Variants in CFAP54 observed in about 807,000 individuals in gnomAD.
CFAP54 encodes cilia and flagella associated protein 54.
A neutral mutation model predicts 370.4 loss-of-function variants in CFAP54; 290 were observed. The observed-to-expected ratio is 0.78, with a 90% CI of 0.71 to 0.86. CFAP54 has a LOEUF of 0.86. Among genes scored for constraint, CFAP54 ranks in the 40% least tolerant of loss-of-function variants. The pLI, the probability that CFAP54 is intolerant of heterozygous loss-of-function variation, is 0.00. For missense variants in CFAP54, 3,399 were observed against 3,528.7 expected, an observed-to-expected ratio of 0.96 and a Z score of 0.93; for synonymous variants, 1,206 against 1,236.5, an observed-to-expected ratio of 0.98 and a Z score of 0.52.
intron 6 of CFAP54, among the ~76,000 whole-genome samples, chr12:96,520,572 G>A (rs1025429457): frequency 3.4e-5 from 5 of 145,112 alleles, no homozygotes; most frequent in Non-Finnish European, 7.8e-5. Context: ...CTATTGGCCT[G>A]TAGAGTGCCC....
chr12:96,686,939 A>G lies in CFAP54; in HGVS notation c.6014+1701A>G, dbSNP rs75397620. ...CAGGTTTATTATTTTACAGTTATAG[A>G]GTTCAGAAATCATAAAATAAGTGTG... On this transcript the variant is annotated intron_variant, in intron 42 of 67. Transcript: ENST00000524981. Among the ~76,000 whole-genome samples, 1,460 of 152,306 alleles carry G rather than the reference A, an allele frequency of 9.6e-3. 53 individuals are homozygous for G. The East Asian group carries it at 0.1, about 11-fold the overall frequency.
At position 96,792,510 on chromosome 12, in the gene CFAP54, T is replaced by A. The variant is rs898408623; in HGVS notation, c.8850+11T>A. 111 of 1,515,192 alleles carry A rather than the reference T, an allele frequency of 7.3e-5. No individual in the cohort carries two copies. The highest frequency in any genetic ancestry group is 8.5e-5 in the Non-Finnish European group (96 of 1,135,030). 93.9% of individuals were successfully genotyped at this position (1,515,192 alleles called of 1,614,324 possible). On this transcript the variant is annotated intron_variant, in intron 63 of 67. Transcript: ENST00000524981. ...GAGACAGAACCTATGGTATGTAATG[T>A]ACTTATAGAACTCAATATTTCATTT...
intron 26 of CFAP54, among the ~76,000 whole-genome samples, chr12:96,612,225 G>A (rs1358463919): frequency 6.6e-6 from 1 of 152,182 alleles, no homozygotes; most frequent in Non-Finnish European, 1.5e-5. Flanking sequence ...GAGAGTGGGG[G>A]CCAATATTCA....
At chr12:96,727,572 C>G (rs1207490579) in intron 50 of CFAP54, among the ~76,000 whole-genome samples, 1 of 148,022 alleles carries the variant, frequency 6.8e-6, no homozygotes, top group South Asian at 2.2e-4. Flanking sequence ...ATGTGTGTCT[C>G]TGCACATGAG....
intron 1 of CFAP54, 33 bp downstream of exon 1, chr12:96,489,959 G>C (rs746309463): frequency 8.0e-6 from 12 of 1,503,046 alleles, no homozygotes; most frequent in Admixed American, 2.2e-5. Context: ...GGAGGGCGCC[G>C]GCCAGAGGAG....
intron 53 of CFAP54, 31 bp downstream of exon 53, chr12:96,743,590 T>A: frequency 6.2e-7 from 1 of 1,612,936 alleles, no homozygotes; most frequent in Non-Finnish European, 8.5e-7. Context: ...GTATTTATAG[T>A]CAGGGAGGGA....
intron 36 of CFAP54, among the ~76,000 whole-genome samples, chr12:96,657,087 C>T (rs957887859): frequency 2.6e-5 from 4 of 152,102 alleles, no homozygotes. Context: ...TACTTCACAC[C>T]CATGTATATA....
chr12:96,699,711 G>A (rs1677125105), intron 45 of CFAP54, among the ~76,000 whole-genome samples: 1 of 152,084 alleles, frequency 6.6e-6, no homozygotes, highest in Non-Finnish European at 1.5e-5. Context: ...GATGAAGTAA[G>A]CAGCGTCTGA....
chr12:96,535,052 GTT>G (rs745437045), intron 11 of CFAP54, among the ~76,000 whole-genome samples: 14 of 128,920 alleles, frequency 1.1e-4, no homozygotes, highest in African/African-American at 3.4e-4. Flanking sequence ...GTGTGTGTGT[GTT>G]TATTTATTTA....
rs1955395654 is a variant in CFAP54, at chr12:96,527,454, A to G, written c.1357+10A>G. On this transcript the variant is annotated intron_variant, in intron 9 of 67. Transcript: ENST00000524981. ...AAAGAACTTTTGATAAGTAAATAAG[A>G]TGTTAAGATATTGTTTTATGATAGA... 1 of 1,491,380 alleles carries G rather than the reference A, an allele frequency of 6.7e-7. No individual in the cohort carries two copies. The highest frequency in any genetic ancestry group is 8.9e-7 in the Non-Finnish European group (1 of 1,119,934). 92.4% of individuals were successfully genotyped at this position (1,491,380 alleles called of 1,614,324 possible).
intron 27 of CFAP54, among the ~76,000 whole-genome samples, chr12:96,622,630 G>A (rs1956511639): frequency 1.3e-5 from 2 of 152,284 alleles, no homozygotes; most frequent in East Asian, 1.9e-4. Flanking sequence ...GATTACAGGT[G>A]TGAGCCACAG....
At position 96,626,951 on chromosome 12, in the gene CFAP54, T is replaced by G. The variant is rs1207231381; in HGVS notation, c.4103+12T>G. 1.9e-5 allele frequency: 25 copies of G among 1,337,446 alleles called. No individual in the cohort carries two copies. Among genetic ancestry groups the G allele is most frequent in the Non-Finnish European group, 2.4e-5 (25 of 1,035,746 alleles). 82.8% of individuals were successfully genotyped at this position (1,337,446 alleles called of 1,614,324 possible). On this transcript the variant is annotated intron_variant, in intron 30 of 67. Transcript: ENST00000524981. ...GACTTCTTGAAAAGGTACTTGCAAT[T>G]ATCAGTGTTATACATGTTAACAACT...
chr12:96,580,499 A>G (rs1407942801), intron 20 of CFAP54, 98 bp from the exon 21 acceptor site: 5 of 633,538 alleles, frequency 7.9e-6, no homozygotes, highest in Non-Finnish European at 1.2e-5. Context: ...TCATGTTTTA[A>G]AACCTGAATC....
chr12:96,765,301 G>T lies in CFAP54; in HGVS notation c.8281+83G>T, dbSNP rs188616147. The T allele has an allele frequency of 3.1e-6, 4 of 1,279,296 alleles. No homozygotes were observed. The East Asian group carries it at 1.0e-4, about 33-fold the overall frequency. 79.2% of individuals were successfully genotyped at this position (1,279,296 alleles called of 1,614,324 possible). On this transcript the variant is annotated intron_variant, in intron 60 of 67. Coordinates refer to ENST00000524981, the MANE Select transcript of CFAP54 (RefSeq NM_001306084.2). ...AGTTTCAAAGATTTAATTGTAATTT[G>T]TTGGCTTTTAGCTTAGATGGGATAA...
intron 65 of CFAP54, among the ~76,000 whole-genome samples, chr12:96,820,236 C>T (rs915619107): frequency 6.6e-6 from 1 of 152,124 alleles, no homozygotes; most frequent in Admixed American, 6.6e-5. Context: ...TGACTTAAAT[C>T]ATGTTCTGCT....
intron 60 of CFAP54, among the ~76,000 whole-genome samples, chr12:96,773,575 A>C (rs572655119): frequency 1.3e-5 from 2 of 152,234 alleles, no homozygotes; most frequent in Non-Finnish European, 1.5e-5. Context: ...ATACATTGAC[A>C]TATTTTTCCC....
chr12:96,649,933 A>T lies in CFAP54; in HGVS notation c.4733A>T (p.Asp1578Val). The stretch of plus-strand genomic sequence containing the variant: ...ACATTTATTAATTCCATAATGAGTG[A>T]TGAAAATATGTCCAAGACACAAACA... The part of the protein sequence containing the change: ...FSTFINSIMS[D>V]ENMSKTQTVY... The change falls in exon 35 of 68, where the codon GAT (aspartate) becomes GTT (valine). Residue 1578 changes from aspartate to valine, a missense_variant. Around this residue, in one of 3 missense-constraint regions of CFAP54, gnomAD observed 2,796 missense variants for 2,869.7 expected, o/e 0.97. Transcript: ENST00000524981. 3 of 1,609,066 alleles carry T rather than the reference A, an allele frequency of 1.9e-6. No homozygotes were observed. Among genetic ancestry groups the T allele is most frequent in the Non-Finnish European group, 2.5e-6 (3 of 1,177,008 alleles).
intron 67 of CFAP54, among the ~76,000 whole-genome samples, chr12:96,866,044 G>A (rs10444525): frequency 0.12 from 18,160 of 152,016 alleles, 1,371 homozygotes; most frequent in Middle Eastern, 0.17. Flanking sequence ...TCCAAAATTA[G>A]ATATATGCAG....
intron 19 of CFAP54, among the ~76,000 whole-genome samples, chr12:96,566,677 A>T (rs1000315065): frequency 1.3e-5 from 2 of 152,096 alleles, no homozygotes; most frequent in Non-Finnish European, 2.9e-5. Context: ...AGCTAGAAGG[A>T]TAGGTGTTTG....
Sources: allele counts gnomAD v4.1 joint callset (sites outside exome capture counted in the v4.1 genomes callset), GRCh38; gene constraint gnomAD v4.1.1; regional missense constraint gnomAD v4.1.1; transcripts MANE v1.5; gene names NCBI Gene and HGNC (gene_info 2026-07-23, HGNC 2026-07-21).